The following PTPRK variants were observed in gnomAD, a reference collection of about 807,000 sequenced individuals.
The protein encoded by PTPRK is receptor-type tyrosine-protein phosphatase kappa.
PTPRK carries 75 observed loss-of-function variants against 178.0 expected under a neutral mutation model. The observed-to-expected ratio is 0.42, with a 90% CI of 0.35 to 0.51. The LOEUF (loss-of-function observed/expected upper bound fraction) is 0.51, where lower values mean the gene tolerates loss of function less well. Ranked by LOEUF, PTPRK falls within the 20% of genes least tolerant of loss-of-function variation. PTPRK has a pLI of 0.02. For synonymous variants in PTPRK, 637 were observed against 620.6 expected, an observed-to-expected ratio of 1.03 and a Z score of -0.39; for missense variants, 1,441 against 1,797.8, an observed-to-expected ratio of 0.80 and a Z score of 3.59.
chr6:128,078,451 C>T (rs9482875), intron 11 of PTPRK, among the ~76,000 whole-genome samples: 1,778 of 151,950 alleles, frequency 0.012, 36 homozygotes, highest in African/African-American at 0.04. Flanking sequence ...AAAAACTACC[C>T]CCCAACCCTG....
chr6:128,517,618 A>G (rs907111204), intron 1 of PTPRK, among the ~76,000 whole-genome samples: 1 of 152,222 alleles, frequency 6.6e-6, no homozygotes, highest in East Asian at 1.9e-4. Context: ...AGCTAAGAAA[A>G]AAGTCACAAT....
chr6:128,193,636 C>T (rs1195692589), intron 6 of PTPRK, among the ~76,000 whole-genome samples: 1 of 152,094 alleles, frequency 6.6e-6, no homozygotes, highest in East Asian at 1.9e-4. Flanking sequence ...TGTAGAATTA[C>T]AGTATTTAAT....
chr6:128,040,226 A>C (rs1024272596), intron 13 of PTPRK, among the ~76,000 whole-genome samples: 1 of 152,174 alleles, frequency 6.6e-6, no homozygotes, highest in African/African-American at 2.4e-5. Context: ...ATTTACTTCA[A>C]ACTGTCTCCA....
chr6:128,030,885 T>A (rs1165508087), intron 13 of PTPRK, among the ~76,000 whole-genome samples: 2 of 152,202 alleles, frequency 1.3e-5, no homozygotes, highest in South Asian at 4.1e-4. Flanking sequence ...GTTACGAACA[T>A]CTGAGTATTG....
At chr6:128,141,571 C>T (rs1177849085) in intron 7 of PTPRK, among the ~76,000 whole-genome samples, 1 of 151,546 alleles carries the variant, frequency 6.6e-6, no homozygotes, top group Non-Finnish European at 1.5e-5. Flanking sequence ...GTATGGAGTC[C>T]TCCAACAGCA....
chr6:128,185,497 A>G (rs966585697), intron 6 of PTPRK, among the ~76,000 whole-genome samples: 1 of 152,108 alleles, frequency 6.6e-6, no homozygotes, highest in Non-Finnish European at 1.5e-5. Context: ...CTGAAATGAG[A>G]CACCGAACTT....
intron 6 of PTPRK, among the ~76,000 whole-genome samples, chr6:128,201,556 C>T (rs1319655810): frequency 1.3e-5 from 2 of 152,046 alleles, no homozygotes; most frequent in Admixed American, 1.3e-4. Flanking sequence ...TATTGAGAAT[C>T]TACTATAAAA....
At chr6:128,466,653 C>T (rs986514658) in intron 1 of PTPRK, among the ~76,000 whole-genome samples, 1 of 151,958 alleles carries the variant, frequency 6.6e-6, no homozygotes, top group South Asian at 2.1e-4. Context: ...ATGAGAAAAA[C>T]GGATTTTATG....
chr6:128,354,763 C>T (rs9375562), intron 2 of PTPRK, among the ~76,000 whole-genome samples: 133,512 of 152,178 alleles, frequency 0.88, 58,907 homozygotes, highest in East Asian at 0.99. Flanking sequence ...GACTATGAAG[C>T]GTAGGAATTT....
intron 7 of PTPRK, among the ~76,000 whole-genome samples, chr6:128,156,052 G>A (rs898488805): frequency 4.0e-5 from 6 of 151,830 alleles, no homozygotes; most frequent in Admixed American, 3.3e-4. Context: ...ATTATTGCAA[G>A]TTTCTTACAA....
At chr6:128,262,417 T>G (rs1289573005) in intron 3 of PTPRK, among the ~76,000 whole-genome samples, 1 of 152,162 alleles carries the variant, frequency 6.6e-6, no homozygotes, top group East Asian at 1.9e-4. Flanking sequence ...TTATCCTAAA[T>G]TTTTGGCCTT....
chr6:128,200,986 G>A (rs1053959986), intron 6 of PTPRK, among the ~76,000 whole-genome samples: 3 of 151,114 alleles, frequency 2.0e-5, no homozygotes, highest in Non-Finnish European at 4.4e-5. Flanking sequence ...AGATGATTGG[G>A]ACATTAAAAG....
At chr6:128,179,261 C>T (rs539282510) in intron 7 of PTPRK, among the ~76,000 whole-genome samples, 13 of 151,814 alleles carry the variant, frequency 8.6e-5, no homozygotes, top group Non-Finnish European at 1.6e-4. Context: ...TTAATTAACA[C>T]GGTACTGTTA....
At chr6:128,184,390 G>A (rs1016296556) in intron 7 of PTPRK, 42 bp downstream of exon 7, 1 of 1,582,308 alleles carries the variant, frequency 6.3e-7, no homozygotes, top group African/African-American at 1.3e-5. Context: ...TCTTATGCTA[G>A]ATTCCTTCAC....
intron 10 of PTPRK, among the ~76,000 whole-genome samples, chr6:128,081,958 A>T (rs2114997941): frequency 6.6e-6 from 1 of 152,200 alleles, no homozygotes; most frequent in Admixed American, 6.6e-5. Context: ...ATATGTATTT[A>T]TATAAGATTT....
intron 6 of PTPRK, among the ~76,000 whole-genome samples, chr6:128,187,766 C>T (rs1210933763): frequency 6.6e-6 from 1 of 152,016 alleles, no homozygotes. Flanking sequence ...GGAAATGTGG[C>T]AATGTTAAGA....
intron 22 of PTPRK, among the ~76,000 whole-genome samples, chr6:127,984,941 C>T (rs1290676924): frequency 2.6e-5 from 4 of 152,050 alleles, no homozygotes; most frequent in African/African-American, 7.2e-5. Context: ...CTCTTTTATA[C>T]ATGGTTATTT....
intron 2 of PTPRK, among the ~76,000 whole-genome samples, chr6:128,381,602 C>A (rs367836948): frequency 6.6e-6 from 1 of 152,190 alleles, no homozygotes; most frequent in African/African-American, 2.4e-5. Flanking sequence ...ATTCATTCAC[C>A]ATCAGCTACA....
chr6:128,113,787 A>G (rs6938199), intron 7 of PTPRK, among the ~76,000 whole-genome samples: 5,745 of 152,178 alleles, frequency 0.038, 287 homozygotes, highest in African/African-American at 0.1. Flanking sequence ...GTGTACTTAA[A>G]AAACACCTCA....
Sources: gnomAD v4.1 joint callset for allele counts (sites outside exome capture counted in the v4.1 genomes callset) on GRCh38, gnomAD v4.1.1 for gene constraint, MANE v1.5 for transcripts, NCBI Gene and HGNC (gene_info 2026-07-23, HGNC 2026-07-21) for gene names.